Variants in KIAA1328 observed in about 807,000 individuals in gnomAD.
KIAA1328 encodes KIAA1328.
A neutral mutation model predicts 68.1 loss-of-function variants in KIAA1328; 52 were observed. The observed-to-expected ratio is 0.76, with a 90% confidence interval of 0.61 to 0.96. The LOEUF is 0.96. KIAA1328 is among the 40% of genes least tolerant of loss of function. KIAA1328 has a pLI of 0.00. For missense variants in KIAA1328, 641 were observed against 677.6 expected, an observed-to-expected ratio of 0.95 and a Z score of 0.60; for synonymous variants, 232 against 239.4, an observed-to-expected ratio of 0.97 and a Z score of 0.28.
At chr18:37,017,096 A>G (rs1451479145) in intron 6 of KIAA1328, among the ~76,000 whole-genome samples, 2 of 151,998 alleles carry the variant, frequency 1.3e-5, no homozygotes, top group Non-Finnish European at 2.9e-5. Context: ...TTTTGAGGTC[A>G]TTTACGACTT....
intron 6 of KIAA1328, among the ~76,000 whole-genome samples, chr18:36,990,419 A>G (rs907376005): frequency 6.6e-6 from 1 of 152,022 alleles, no homozygotes; most frequent in African/African-American, 2.4e-5. Context: ...TCATGCCTGT[A>G]ATCCCAACAC....
chr18:37,060,958 T>C (rs1303341281), intron 6 of KIAA1328, among the ~76,000 whole-genome samples: 1 of 151,886 alleles, frequency 6.6e-6, no homozygotes, highest in Non-Finnish European at 1.5e-5. Flanking sequence ...TCTACTAAAA[T>C]AGAAAAATTA....
intron 6 of KIAA1328, among the ~76,000 whole-genome samples, chr18:37,058,729 A>AAAAT (rs766151556): frequency 3.3e-5 from 5 of 152,038 alleles, no homozygotes; most frequent in East Asian, 1.9e-4. Flanking sequence ...AAATTTTAAT[A>AAAAT]AAATAAATAA....
intron 9 of KIAA1328, among the ~76,000 whole-genome samples, chr18:37,173,725 T>C (rs887390179): frequency 6.6e-6 from 1 of 152,228 alleles, no homozygotes; most frequent in Non-Finnish European, 1.5e-5. Context: ...AGACTTAATT[T>C]GTAGTTAATT....
intron 7 of KIAA1328, among the ~76,000 whole-genome samples, chr18:37,078,158 C>T (rs951825559): frequency 3.9e-5 from 6 of 152,152 alleles, no homozygotes; most frequent in Non-Finnish European, 7.4e-5. Flanking sequence ...AGAACAGAGC[C>T]CTCAGAAATA....
chr18:37,182,195 T>A (rs2059711350), intron 9 of KIAA1328, among the ~76,000 whole-genome samples: 1 of 152,170 alleles, frequency 6.6e-6, no homozygotes, highest in Admixed American at 6.5e-5. Context: ...GTTATCAAAT[T>A]CCCTTAACTT....
At chr18:36,922,788 G>T (rs1360805293) in intron 5 of KIAA1328, among the ~76,000 whole-genome samples, 2 of 152,110 alleles carry the variant, frequency 1.3e-5, no homozygotes, top group Non-Finnish European at 2.9e-5. Flanking sequence ...GAGGTAATGA[G>T]TATATGAGAT....
At chr18:36,981,383 A>G (rs1410229074) in intron 6 of KIAA1328, among the ~76,000 whole-genome samples, 2 of 152,196 alleles carry the variant, frequency 1.3e-5, no homozygotes, top group Non-Finnish European at 2.9e-5. Context: ...AATACCCAAG[A>G]AGATAAAATT....
intron 6 of KIAA1328, among the ~76,000 whole-genome samples, chr18:37,007,740 A>G (rs548575998): frequency 6.6e-6 from 1 of 152,314 alleles, no homozygotes; most frequent in African/African-American, 2.4e-5. Context: ...AGATAATTCA[A>G]AATAAAGCAT....
At chr18:37,076,093 C>T (rs1298091042) in intron 7 of KIAA1328, among the ~76,000 whole-genome samples, 7 of 152,178 alleles carry the variant, frequency 4.6e-5, no homozygotes, top group Non-Finnish European at 8.8e-5. Context: ...GTAAAGCTCT[C>T]CTCAGCAAAT....
At chr18:36,964,820 A>G (rs1294539688) in intron 6 of KIAA1328, among the ~76,000 whole-genome samples, 2 of 151,870 alleles carry the variant, frequency 1.3e-5, no homozygotes, top group African/African-American at 4.8e-5. Flanking sequence ...TGAACATGGT[A>G]GGGTCTAATA....
At chr18:36,962,990 G>C (rs552184109) in intron 6 of KIAA1328, among the ~76,000 whole-genome samples, 2 of 152,176 alleles carry the variant, frequency 1.3e-5, no homozygotes, top group Non-Finnish European at 2.9e-5. Flanking sequence ...GAAGGAGATA[G>C]AGGCACAAAA....
chr18:37,010,441 TAAAAAAAAAAAA>T (rs59927777), intron 6 of KIAA1328, among the ~76,000 whole-genome samples: 147 of 90,316 alleles, frequency 1.6e-3, no homozygotes, highest in East Asian at 8.5e-3. Flanking sequence ...AGACACCATC[TAAAAAAAAAAAA>T]AAAAAAAAAA....
chr18:37,181,833 A>G (rs1000122188), intron 9 of KIAA1328, among the ~76,000 whole-genome samples: 2 of 152,176 alleles, frequency 1.3e-5, no homozygotes, highest in African/African-American at 4.8e-5. Context: ...TGATTTTTCA[A>G]ATGTTCTACA....
intron 7 of KIAA1328, among the ~76,000 whole-genome samples, chr18:37,153,669 C>T (rs2154210411): frequency 7.9e-6 from 1 of 126,358 alleles, no homozygotes; most frequent in African/African-American, 3.1e-5. Context: ...AGGTACCAGA[C>T]CTTTTCAAAG....
chr18:37,071,137 A>G (rs557593270), intron 7 of KIAA1328, among the ~76,000 whole-genome samples: 2 of 129,292 alleles, frequency 1.5e-5, no homozygotes, highest in Non-Finnish European at 3.1e-5. Flanking sequence ...TGGCACGATC[A>G]TGGCTCACTG....
intron 5 of KIAA1328, among the ~76,000 whole-genome samples, chr18:36,920,778 TC>T (rs1253912798): frequency 3.9e-5 from 6 of 152,206 alleles, no homozygotes; most frequent in African/African-American, 1.4e-4. Flanking sequence ...GTGTTTTTTT[TC>T]ATTGGCCACA....
At chr18:36,878,966 C>T (rs929170657) in intron 4 of KIAA1328, among the ~76,000 whole-genome samples, 2 of 152,172 alleles carry the variant, frequency 1.3e-5, no homozygotes, top group East Asian at 1.9e-4. Context: ...AGAACATGCT[C>T]CTTTAGCTCA....
chr18:37,174,262 C>T (rs1170601728), intron 9 of KIAA1328, among the ~76,000 whole-genome samples: 2 of 152,076 alleles, frequency 1.3e-5, no homozygotes, highest in South Asian at 2.1e-4. Context: ...CTCCAAACCT[C>T]GTAATCTTAA....
Sources: allele counts gnomAD v4.1 joint callset (sites outside exome capture counted in the v4.1 genomes callset), GRCh38; gene constraint gnomAD v4.1.1; transcripts MANE v1.5; gene names NCBI Gene and HGNC (gene_info 2026-07-23, HGNC 2026-07-21).